RAB2A: variants seen among roughly 807,000 people sequenced by gnomAD.
RAB2A encodes ras-related protein Rab-2A.
Under a neutral mutation model 32.5 loss-of-function variants are expected in RAB2A, and 7 were observed. That is an observed-to-expected ratio of 0.22 (90% CI 0.12 to 0.40). The LOEUF (loss-of-function observed/expected upper bound fraction) is 0.40, where lower values mean the gene tolerates loss of function less well. Ranked by LOEUF, RAB2A falls within the 10% of genes least tolerant of loss-of-function variation. The pLI, the probability that RAB2A is intolerant of heterozygous loss-of-function variation, is 1.00. For missense variants in RAB2A, 108 were observed against 260.7 expected (o/e 0.41, Z 4.03); for synonymous variants, 79 against 85.2 (o/e 0.93, Z 0.40).
At chr8:60,543,000 T>C (rs1807670490) in intron 1 of RAB2A, among the ~76,000 whole-genome samples, 2 of 152,240 alleles carry the variant, frequency 1.3e-5, no homozygotes, top group Non-Finnish European at 2.9e-5. Flanking sequence ...CTCAAATAAA[T>C]GCTCTGTATT....
intron 6 of RAB2A, among the ~76,000 whole-genome samples, chr8:60,606,103 TG>T (rs1362758447): frequency 2.6e-5 from 4 of 152,098 alleles, no homozygotes; most frequent in Admixed American, 1.3e-4. Flanking sequence ...GAGCTCAAAT[TG>T]CACCACTGCA....
At chr8:60,576,630 A>G (rs1465701742) in intron 3 of RAB2A, among the ~76,000 whole-genome samples, 3 of 152,140 alleles carry the variant, frequency 2.0e-5, no homozygotes, top group Non-Finnish European at 4.4e-5. Flanking sequence ...TTTGAAAAAC[A>G]TGTTACTTTA....
intron 1 of RAB2A, among the ~76,000 whole-genome samples, chr8:60,539,717 A>G (rs1807610693): frequency 6.6e-6 from 1 of 152,254 alleles, no homozygotes; most frequent in Admixed American, 6.5e-5. Context: ...GGAAGAAAGT[A>G]TGGCATTTTG....
chr8:60,547,566 G>A (rs1284848602), intron 1 of RAB2A, among the ~76,000 whole-genome samples: 2 of 149,434 alleles, frequency 1.3e-5, no homozygotes, highest in South Asian at 2.1e-4. Flanking sequence ...GCGGCTGGCT[G>A]GGCAGAGGGG....
chr8:60,540,663 G>C (rs1807630351), intron 1 of RAB2A, among the ~76,000 whole-genome samples: 1 of 152,184 alleles, frequency 6.6e-6, no homozygotes. Context: ...TACATTTTTA[G>C]TAGAGTTGGG....
At chr8:60,617,190 T>C (rs1384314968) in intron 6 of RAB2A, among the ~76,000 whole-genome samples, 1 of 152,174 alleles carries the variant, frequency 6.6e-6, no homozygotes, top group African/African-American at 2.4e-5. Flanking sequence ...TTATATATAA[T>C]TTCTAAATAT....
chr8:60,610,325 C>G (rs917869848), intron 6 of RAB2A, among the ~76,000 whole-genome samples: 3 of 152,182 alleles, frequency 2.0e-5, no homozygotes, highest in East Asian at 3.8e-4. Flanking sequence ...AGGAAGACTA[C>G]CAGTTTCAAG....
At chr8:60,565,663 G>T in intron 2 of RAB2A, among the ~76,000 whole-genome samples, 1 of 132,270 alleles carries the variant, frequency 7.6e-6, no homozygotes. Context: ...CTCTGAAAAA[G>T]TCTCTGTAGC....
At chr8:60,589,225 C>T (rs1426721703) in intron 5 of RAB2A, among the ~76,000 whole-genome samples, 2 of 152,230 alleles carry the variant, frequency 1.3e-5, no homozygotes, top group African/African-American at 4.8e-5. Flanking sequence ...TAAATTTGGT[C>T]ACCGACCACT....
In RAB2A at chr8:60,596,239, C is replaced by A. The variant is rs183047373; in HGVS notation, c.474+4270C>A. 6.6e-3 allele frequency among the ~76,000 whole-genome samples: 1,004 copies of A among 152,238 alleles called. 10 individuals carry two copies. The highest frequency in any genetic ancestry group is 0.02 in the African/African-American group (847 of 41,534). On this transcript the variant is annotated intron_variant, in intron 6 of 7. Coordinates refer to ENST00000262646, the MANE Select transcript of RAB2A (RefSeq NM_002865.3). ...ATACCATTCAGGACATAGGCATGGGCAAAGACTTCATGACTAAAACACCAA... is the reference window on the plus strand; with the variant it reads ...ATACCATTCAGGACATAGGCATGGGAAAAGACTTCATGACTAAAACACCAA...
At chr8:60,569,834 A>G (rs1015674209) in intron 2 of RAB2A, 3 of 371,334 alleles carry the variant, frequency 8.1e-6, no homozygotes, top group Admixed American at 3.2e-5. Context: ...TAATTTGAAT[A>G]AAGAGACGAA....
Position 60,537,418 on chromosome 8 carries a change from T to C in RAB2A, c.46+20165T>C, listed in dbSNP as rs1807574983. On this transcript the variant is annotated intron_variant, in intron 1 of 7. Coordinates refer to ENST00000262646, the MANE Select transcript of RAB2A (RefSeq NM_002865.3). ...GTGTTTTTAGTAGAGATGGGGTTTT[T>C]CACCATGTTGGTCAGGCTGGTCTCA... is the stretch of plus-strand genomic sequence containing the variant. Among the ~76,000 whole-genome samples the C allele has an allele frequency of 2.0e-5, 3 of 152,176 alleles. No homozygotes were observed. In the South Asian group the frequency reaches 6.2e-4, roughly 32 times the overall value.
At chr8:60,604,129 A>G (rs1423560146) in intron 6 of RAB2A, among the ~76,000 whole-genome samples, 2 of 152,154 alleles carry the variant, frequency 1.3e-5, no homozygotes, top group Non-Finnish European at 2.9e-5. Context: ...AAAAGCATGT[A>G]GTACCTCCCA....
chr8:60,529,231 GT>G (rs1807439643), intron 1 of RAB2A, among the ~76,000 whole-genome samples: 1 of 152,028 alleles, frequency 6.6e-6, no homozygotes, highest in Admixed American at 6.6e-5. Flanking sequence ...TACTTGATTG[GT>G]TTTTGTACAT....
intron 1 of RAB2A, among the ~76,000 whole-genome samples, chr8:60,547,831 C>A (rs1232703403): frequency 1.7e-5 from 2 of 116,494 alleles, no homozygotes; most frequent in Admixed American, 1.6e-4. Context: ...GGGCGGGGGG[C>A]TGACCCCCCC....
chr8:60,549,023 C>A (rs111999069), intron 1 of RAB2A, among the ~76,000 whole-genome samples: 6,266 of 150,416 alleles, frequency 0.042, 291 homozygotes, highest in African/African-American at 0.12. Flanking sequence ...CAGAGGTGCT[C>A]CCCACATCTC....
At chr8:60,563,454 A>G (rs963633086) in intron 2 of RAB2A, among the ~76,000 whole-genome samples, 4 of 152,172 alleles carry the variant, frequency 2.6e-5, no homozygotes, top group Non-Finnish European at 5.9e-5. Flanking sequence ...AGTGATTCAT[A>G]TGGGCACTGA....
chr8:60,587,086 A>G (rs1469244211), intron 5 of RAB2A, among the ~76,000 whole-genome samples: 2 of 152,210 alleles, frequency 1.3e-5, no homozygotes, highest in African/African-American at 4.8e-5. Context: ...AAGAGGCACA[A>G]TATTGGAGAG....
At chr8:60,595,966 C>T (rs942866131) in intron 6 of RAB2A, among the ~76,000 whole-genome samples, 8 of 152,284 alleles carry the variant, frequency 5.3e-5, no homozygotes, top group South Asian at 4.1e-4. Context: ...CTAAACAGTA[C>T]GCTTCTGTGT....
Sources: allele counts gnomAD v4.1 joint callset (sites outside exome capture counted in the v4.1 genomes callset), GRCh38; gene constraint gnomAD v4.1.1; transcripts MANE v1.5; gene names NCBI Gene and HGNC (gene_info 2026-07-23, HGNC 2026-07-21).